The following GABBR2 variants were observed in gnomAD, a reference collection of about 807,000 sequenced individuals.
GABBR2 encodes the protein G-protein coupled receptor 51.
In GABBR2, 23 loss-of-function variants were observed where a neutral mutation model predicts 105.6. That is an observed-to-expected ratio of 0.22 (90% CI 0.16 to 0.31). The LOEUF is 0.31. Among genes scored for constraint, GABBR2 ranks in the 10% least tolerant of loss-of-function variants. The probability of loss-of-function intolerance (pLI) is 1.00; values close to 1 mark genes in which losing one functional copy is unlikely to be tolerated. For synonymous variants in GABBR2, 478 were observed against 499.7 expected (o/e 0.96, Z 0.58); for missense variants, 734 against 1,245.5 (o/e 0.59, Z 6.18).
At chr9:98,553,671 G>A (rs1042112065) in intron 2 of GABBR2, among the ~76,000 whole-genome samples, 4 of 152,196 alleles carry the variant, frequency 2.6e-5, no homozygotes, top group Non-Finnish European at 5.9e-5. Flanking sequence ...TAATGAGCAC[G>A]TACCGTGGAG....
chr9:98,535,242 C>T lies in GABBR2; in HGVS notation c.630+6631G>A, dbSNP rs559199527. On this transcript the variant is annotated intron_variant, in intron 3 of 18. Transcript: ENST00000259455. The stretch of plus-strand genomic sequence containing the variant: ...CCTCCCAAGTAGCTGGAATTACAGG[C>T]GCCCGCTACCATGCCCAGTTAATTT... Among the ~76,000 whole-genome samples, 35 of 152,074 alleles carry T rather than the reference C, an allele frequency of 2.3e-4. 1 individual carries two copies. Among genetic ancestry groups the T allele is most frequent in the Middle Eastern group, 6.8e-3 (2 of 294 alleles).
intron 6 of GABBR2, among the ~76,000 whole-genome samples, 155 bp downstream of exon 6, chr9:98,472,991 C>A (rs1203053012): frequency 5.9e-5 from 9 of 152,068 alleles, no homozygotes; most frequent in Admixed American, 3.9e-4. Context: ...GAGGGTTGTA[C>A]ATACCACATT....
chr9:98,346,161 T>C (rs1831300118), intron 13 of GABBR2, among the ~76,000 whole-genome samples: 1 of 152,234 alleles, frequency 6.6e-6, no homozygotes, highest in Admixed American at 6.5e-5. Flanking sequence ...CGGAGTCTGC[T>C]GCATTGATTG....
intron 1 of GABBR2, among the ~76,000 whole-genome samples, chr9:98,599,008 G>A (rs2131802780): frequency 1.3e-5 from 2 of 152,300 alleles, no homozygotes; most frequent in South Asian, 4.1e-4. Flanking sequence ...CAAGAACCAT[G>A]CCTGTGCCAT....
At chr9:98,406,468 G>A (rs564698191) in intron 7 of GABBR2, among the ~76,000 whole-genome samples, 146 of 152,368 alleles carry the variant, frequency 9.6e-4, no homozygotes, top group African/African-American at 3.2e-3. Flanking sequence ...GTCTTCTGGG[G>A]TGCTGGAAAG....
At chr9:98,482,924 G>A (rs1460912211) in intron 4 of GABBR2, among the ~76,000 whole-genome samples, 2 of 151,904 alleles carry the variant, frequency 1.3e-5, no homozygotes, top group African/African-American at 2.4e-5. Context: ...CTGGTGTTCT[G>A]TCCTTAGCTC....
intron 13 of GABBR2, among the ~76,000 whole-genome samples, chr9:98,319,633 G>A (rs1002830990): frequency 4.6e-5 from 7 of 151,996 alleles, no homozygotes; most frequent in African/African-American, 1.7e-4. Context: ...CGTACTAAAG[G>A]CCATGAATGT....
At chr9:98,538,039 T>C (rs1267337453) in intron 3 of GABBR2, among the ~76,000 whole-genome samples, 1 of 152,144 alleles carries the variant, frequency 6.6e-6, no homozygotes, top group Non-Finnish European at 1.5e-5. Context: ...CCACACTGAT[T>C]TTTTGAGTGA....
At chr9:98,499,339 T>C (rs911542915) in intron 3 of GABBR2, among the ~76,000 whole-genome samples, 1 of 152,226 alleles carries the variant, frequency 6.6e-6, no homozygotes, top group Admixed American at 6.5e-5. Flanking sequence ...CCTCCCCTCA[T>C]TTCACAGATG....
At chr9:98,389,972 T>C (rs1832149789) in intron 9 of GABBR2, among the ~76,000 whole-genome samples, 2 of 152,094 alleles carry the variant, frequency 1.3e-5, no homozygotes, top group African/African-American at 4.8e-5. Flanking sequence ...TATGCCTCTC[T>C]TCCCAGGAGA....
chr9:98,688,297 T>C (rs979722903), intron 1 of GABBR2, among the ~76,000 whole-genome samples: 1 of 152,068 alleles, frequency 6.6e-6, no homozygotes, highest in Non-Finnish European at 1.5e-5. Context: ...CCTCAAATAT[T>C]TGCTAATCCT....
At chr9:98,571,064 G>C (rs1428946391) in intron 2 of GABBR2, among the ~76,000 whole-genome samples, 1 of 152,252 alleles carries the variant, frequency 6.6e-6, no homozygotes, top group Non-Finnish European at 1.5e-5. Context: ...TGCAGGCCGG[G>C]GGTGGGCAGA....
At chr9:98,341,621 T>A (rs1423578999) in intron 13 of GABBR2, among the ~76,000 whole-genome samples, 1 of 152,160 alleles carries the variant, frequency 6.6e-6, no homozygotes, top group African/African-American at 2.4e-5. Flanking sequence ...GCTTATCCAG[T>A]TACGATTGCC....
At chr9:98,557,396 TG>T (rs1279667612) in intron 2 of GABBR2, among the ~76,000 whole-genome samples, 2 of 152,154 alleles carry the variant, frequency 1.3e-5, no homozygotes, top group Non-Finnish European at 2.9e-5. Context: ...GTTGAATAAA[TG>T]AATGCAGAGG....
chr9:98,481,217 C>A (rs530950454), intron 4 of GABBR2, among the ~76,000 whole-genome samples: 1 of 152,198 alleles, frequency 6.6e-6, no homozygotes, highest in Admixed American at 6.5e-5. Context: ...GTCAGTCCAC[C>A]CTGGTCTCAT....
intron 3 of GABBR2, among the ~76,000 whole-genome samples, chr9:98,522,550 T>A (rs377643158): frequency 1.3e-5 from 2 of 152,182 alleles, no homozygotes; most frequent in East Asian, 3.8e-4. Flanking sequence ...ACAACATTGA[T>A]GTAATGTCTA....
At position 98,526,428 on chromosome 9, in the gene GABBR2, T is replaced by G. The variant is rs527340377; in HGVS notation, c.630+15445A>C. Among the ~76,000 whole-genome samples, 4 of 152,272 alleles carry G rather than the reference T, an allele frequency of 2.6e-5. No individual in the cohort carries two copies. The South Asian group carries it at 6.2e-4, about 24-fold the overall frequency. ...GGAACCCTCTTCTCTCAGGTCTCCT[T>G]ATAACCTGCCCCTCACTGCTTTCAG... is the stretch of plus-strand genomic sequence containing the variant. On this transcript the variant is annotated intron_variant, in intron 3 of 18. Coordinates refer to ENST00000259455, the MANE Select transcript of GABBR2 (RefSeq NM_005458.8).
At chr9:98,472,635 T>G (rs75838974) in intron 6 of GABBR2, among the ~76,000 whole-genome samples, 5,067 of 152,174 alleles carry the variant, frequency 0.033, 264 homozygotes, top group African/African-American at 0.11. Context: ...AAAATATATA[T>G]CCACACAGAT....
chr9:98,310,569 G>A lies in GABBR2; in HGVS notation c.2004+526C>T, dbSNP rs116291565. 5.3e-3 allele frequency among the ~76,000 whole-genome samples: 809 copies of A among 152,262 alleles called. 12 individuals are homozygous for A. The highest frequency in any genetic ancestry group is 0.019 in the African/African-American group (774 of 41,534). On this transcript the variant is annotated intron_variant, in intron 14 of 18. Coordinates refer to ENST00000259455, the MANE Select transcript of GABBR2 (RefSeq NM_005458.8). ...AGCATGATCTTTGATTTCAAAAGAT[G>A]AGTAAAGTGGAAAGAGTGCTGGGTT...
Sources: gnomAD v4.1 joint callset for allele counts (sites outside exome capture counted in the v4.1 genomes callset) on GRCh38, gnomAD v4.1.1 for gene constraint, MANE v1.5 for transcripts, NCBI Gene and HGNC (gene_info 2026-07-23, HGNC 2026-07-21) for gene names.